FMO2: variants seen among roughly 807,000 people sequenced by gnomAD.
FMO2 encodes flavin-containing monooxygenase 2.
FMO2 carries 33 observed loss-of-function variants against 41.6 expected under a neutral mutation model. That is an observed-to-expected ratio of 0.79 (90% CI 0.60 to 1.06). The LOEUF (loss-of-function observed/expected upper bound fraction) is 1.06. FMO2 is among the 50% of genes least tolerant of loss of function. FMO2 has a pLI of 0.00. For synonymous variants in FMO2, 214 were observed against 219.6 expected, an observed-to-expected ratio of 0.97 and a Z score of 0.23; for missense variants, 619 against 632.9, an observed-to-expected ratio of 0.98 and a Z score of 0.23.
chr1:171,210,501 C>G lies in FMO2; in HGVS notation c.*1356C>G, dbSNP rs1658936347. The G allele has an allele frequency of 6.6e-6, 1 of 152,182 alleles. No homozygotes were observed. The highest frequency in any genetic ancestry group is 1.5e-5 in the Non-Finnish European group (1 of 68,034). 9.4% of individuals were successfully genotyped at this position (152,182 alleles called of 1,614,324 possible). ...GAAACAAACAAAAGCAATTCAATGT[C>G]AATAGACATTAAGCAACATAATAGA... On this transcript the variant is annotated 3_prime_UTR_variant, in exon 9 of 9. Coordinates refer to ENST00000209929, the MANE Select transcript of FMO2 (RefSeq NM_001460.5).
chr1:171,190,192 C>T lies in FMO2; in HGVS notation c.133-3143C>T, dbSNP rs1658022146. ...TATTACCCTTATAATCTTCTTTAAA[C>T]TTACTGTTTACAACCTTTTTATTGT... is the stretch of plus-strand genomic sequence containing the variant. On this transcript the variant is annotated intron_variant, in intron 2 of 8. Coordinates refer to ENST00000209929, the MANE Select transcript of FMO2 (RefSeq NM_001460.5). Among the ~76,000 whole-genome samples the T allele has an allele frequency of 2.6e-5, 4 of 152,230 alleles. No homozygotes were observed. In the South Asian group the frequency reaches 8.3e-4, roughly 32 times the overall value.
chr1:171,193,288 A>C, intron 2 of FMO2, 47 bp from the exon 3 acceptor site: 1 of 1,474,022 alleles, frequency 6.8e-7, no homozygotes, highest in Non-Finnish European at 9.2e-7. Flanking sequence ...AAAACAAAAA[A>C]TTTTTGAATG....
At position 171,212,411 on chromosome 1, in the gene FMO2, C is replaced by T. The variant is rs1659018321; in HGVS notation, c.*3266C>T. 6.6e-6 allele frequency among the ~76,000 whole-genome samples: 1 copy of T among 152,114 alleles called. No homozygotes were observed. The highest frequency in any genetic ancestry group is 2.4e-5 in the African/African-American group (1 of 41,424). ...ATAAATTTCTGTTTATTATAAATAA[C>T]CCAGTCTCAGATATTCTGTTACAGA... On this transcript the variant is annotated 3_prime_UTR_variant, in exon 9 of 9. Coordinates refer to ENST00000209929, the MANE Select transcript of FMO2 (RefSeq NM_001460.5).
At chr1:171,191,623 G>A (rs1658084768) in intron 2 of FMO2, among the ~76,000 whole-genome samples, 1 of 152,074 alleles carries the variant, frequency 6.6e-6, no homozygotes. Flanking sequence ...ACTGACCTAT[G>A]TAACTTGCTC....
At chr1:171,197,019 A>T (rs537024861) in intron 4 of FMO2, among the ~76,000 whole-genome samples, 1 of 152,140 alleles carries the variant, frequency 6.6e-6, no homozygotes, top group Admixed American at 6.6e-5. Context: ...CTCAGAGCCA[A>T]CTTCCTTGGA....
intron 2 of FMO2, among the ~76,000 whole-genome samples, chr1:171,190,701 T>C (rs984267619): frequency 4.0e-5 from 6 of 151,656 alleles, no homozygotes; most frequent in Non-Finnish European, 7.4e-5. Flanking sequence ...ACATTAATCA[T>C]CTCTTCATAA....
rs1658162935 is a variant in FMO2 at position 171,193,350 on chromosome 1, G to A, written c.148G>A (p.Gly50Ser). Residue 50 changes from glycine to serine, a missense_variant, in exon 3 of 9, where the codon GGC becomes AGC. By Grantham distance (56) the Gly-to-Ser change is moderately conservative (BLOSUM62 0). Coordinates refer to ENST00000209929, the MANE Select transcript of FMO2 (RefSeq NM_001460.5). ...GATCCTTCAGGAGAATGTGGAAGATGGCCGAGCAAGTATCTATCAATCTGT... is the reference window on the plus strand; with the variant it reads ...GATCCTTCAGGAGAATGTGGAAGATAGCCGAGCAAGTATCTATCAATCTGT... ...VWRFKENVED[G>S]RASIYQSVVT... 6.2e-7 allele frequency: 1 copy of A among 1,600,964 alleles called. No homozygotes were observed. The highest frequency in any genetic ancestry group is 1.3e-5 in the African/African-American group (1 of 74,074).
In FMO2 at chr1:171,212,051, T is replaced by C. The variant is rs113315110; in HGVS notation, c.*2906T>C. ...TTCAGCCTTGGTCCTCCAACTGCAGTTTACAATTTTTGTTCTTCTCCTGTA... is the reference window on the plus strand; with the variant it reads ...TTCAGCCTTGGTCCTCCAACTGCAGCTTACAATTTTTGTTCTTCTCCTGTA... On this transcript the variant is annotated 3_prime_UTR_variant, in exon 9 of 9. Coordinates refer to ENST00000209929, the MANE Select transcript of FMO2 (RefSeq NM_001460.5). 1.3e-5 allele frequency among the ~76,000 whole-genome samples: 2 copies of C among 152,184 alleles called. No individual in the cohort carries two copies. Among genetic ancestry groups the C allele is most frequent in the Non-Finnish European group, 2.9e-5 (2 of 68,026 alleles).
intron 2 of FMO2, chr1:171,188,786 T>G (rs1657958539): frequency 6.6e-6 from 1 of 152,180 alleles, no homozygotes; most frequent in African/African-American, 2.4e-5. Context: ...ATAAGTAAAT[T>G]TAAGAATCCT....
chr1:171,205,625 G>T lies in FMO2; in HGVS notation c.1174G>T (p.Val392Phe), dbSNP rs778090574. 1 of 1,603,632 alleles carries T rather than the reference G, an allele frequency of 6.2e-7. No homozygotes were observed. The highest frequency in any genetic ancestry group is 1.1e-5 in the South Asian group (1 of 89,324). ...AELQARWVTRVFKGLCSLPSE... is the reference protein window; with the variant it reads ...AELQARWVTRFFKGLCSLPSE... ...ACTTCAAGCTCGTTGGGTGACAAGAGTTTTCAAAGGTAAGTGTGTAGGCAG... is the reference window on the plus strand; with the variant it reads ...ACTTCAAGCTCGTTGGGTGACAAGATTTTTCAAAGGTAAGTGTGTAGGCAG... Residue 392 changes from valine (V) to phenylalanine (F), a missense_variant, in exon 7 of 9, where the codon GTT (valine) becomes TTT (phenylalanine). Transcript: ENST00000209929.
intron 4 of FMO2, among the ~76,000 whole-genome samples, chr1:171,197,191 A>T (rs921697295): frequency 5.3e-5 from 8 of 152,172 alleles, no homozygotes; most frequent in Non-Finnish European, 7.3e-5. Context: ...GAGCTCCTAG[A>T]AAGAAATGCT....
In FMO2 at chr1:171,209,099, T is replaced by G; in HGVS notation, c.1562T>G (p.Leu521Arg). The G allele has an allele frequency of 2.3e-6, 2 of 862,994 alleles. No individual in the cohort carries two copies. The highest frequency in any genetic ancestry group is 3.5e-6 in the Non-Finnish European group (2 of 564,332). 53.5% of individuals were successfully genotyped at this position (862,994 alleles called of 1,614,324 possible). The change falls in exon 9 of 9, where the codon CTT becomes CGT. Residue 521 changes from leucine to arginine, a missense_variant. Coordinates refer to ENST00000209929, the MANE Select transcript of FMO2 (RefSeq NM_001460.5). The stretch of plus-strand genomic sequence containing the variant: ...TCTTTTCTGTTGAAAATCCTGGGCC[T>G]TCTTGCTGTTGTTGTGGCCTTTTTT... The part of the protein sequence containing the change: ...SVSFLLKILG[L>R]LAVVVAFFCQ...
rs1658319486 is a variant in FMO2, at chr1:171,196,615, ATTCTCAATGATGCC to A, written c.322-28_322-15del. The A allele has an allele frequency of 2.5e-6, 4 of 1,602,878 alleles. No individual in the cohort carries two copies. The East Asian group carries it at 8.9e-5, about 36-fold the overall frequency. On this transcript the variant is annotated intron_variant, in intron 3 of 8. Transcript: ENST00000209929. ...ACTTGGCCAATGTTATCCTGGAGTAATTCTCAATGATGCCTTCTCTGTGTTTCTTCAAGACAACT... is the reference window on the plus strand; with the variant it reads ...ACTTGGCCAATGTTATCCTGGAGTAATTCTCTGTGTTTCTTCAAGACAACT...
chr1:171,199,861 C>A (rs977688279), intron 5 of FMO2, among the ~76,000 whole-genome samples: 2 of 152,230 alleles, frequency 1.3e-5, no homozygotes. Context: ...ACTACAGGCA[C>A]ATGCCACACC....
intron 7 of FMO2, among the ~76,000 whole-genome samples, chr1:171,206,947 T>C (rs894610580): frequency 6.6e-6 from 1 of 152,138 alleles, no homozygotes; most frequent in African/African-American, 2.4e-5. Flanking sequence ...GTCAGAGAAA[T>C]AGAGAGGAAT....
At position 171,197,200 on chromosome 1, in the gene FMO2, CTT is replaced by C. The variant is rs569336848; in HGVS notation, c.484+391_484+392del. Reference sequence around the variant, plus strand: ...AGGGGAGAGCTCCTAGAAAGAAATGCTTTGCAAGTTAGTGATGGGGAGAGAAG... The same window carrying C: ...AGGGGAGAGCTCCTAGAAAGAAATGCTGCAAGTTAGTGATGGGGAGAGAAG... On this transcript the variant is annotated intron_variant, in intron 4 of 8. Coordinates refer to ENST00000209929, the MANE Select transcript of FMO2 (RefSeq NM_001460.5). 9.5e-4 allele frequency among the ~76,000 whole-genome samples: 144 copies of C among 152,294 alleles called. 1 individual carries two copies. Among genetic ancestry groups the C allele is most frequent in the African/African-American group, 3.2e-3 (135 of 41,566 alleles).
rs895566644 is a variant in FMO2 at position 171,210,740 on chromosome 1, G to A, written c.*1595G>A. 1.3e-5 allele frequency: 2 copies of A among 151,852 alleles called. No individual in the cohort carries two copies. Among genetic ancestry groups the A allele is most frequent in the Non-Finnish European group, 2.9e-5 (2 of 67,988 alleles). The allele number at this position is 151,852 out of a possible 1,614,324, so 9.4% of individuals were successfully genotyped here. On this transcript the variant is annotated 3_prime_UTR_variant, in exon 9 of 9. Coordinates refer to ENST00000209929, the MANE Select transcript of FMO2 (RefSeq NM_001460.5). ...CCTGTACTTCTCCCTCAGGGACGTAGAACAATGGAATGTCAGTCAGTCTCT... is the reference window on the plus strand; with the variant it reads ...CCTGTACTTCTCCCTCAGGGACGTAAAACAATGGAATGTCAGTCAGTCTCT...
chr1:171,187,678 C>T (rs1243608652), intron 2 of FMO2, among the ~76,000 whole-genome samples: 6 of 149,144 alleles, frequency 4.0e-5, no homozygotes, highest in African/African-American at 1.5e-4. Context: ...GCACTCCATC[C>T]CAAATCTATG....
chr1:171,199,258 A>C, intron 4 of FMO2, 88 bp from the exon 5 acceptor site: 1 of 1,301,028 alleles, frequency 7.7e-7, no homozygotes, highest in Non-Finnish European at 1.1e-6. Context: ...TAACTCCAGA[A>C]AGGAAAAGCT....
Sources: gnomAD v4.1 joint callset for allele counts (sites outside exome capture counted in the v4.1 genomes callset) on GRCh38, gnomAD v4.1.1 for gene constraint, MANE v1.5 for transcripts, NCBI Gene and HGNC (gene_info 2026-07-23, HGNC 2026-07-21) for gene names.